The following ZKSCAN5 variants were observed in gnomAD, a reference collection of about 807,000 sequenced individuals.
ZKSCAN5 encodes zinc finger with KRAB and SCAN domains 5, also known as zinc finger protein with KRAB and SCAN domains 5.
A neutral mutation model predicts 60.0 loss-of-function variants in ZKSCAN5; 28 were observed. The observed-to-expected ratio is 0.47, with a 90% CI of 0.35 to 0.64. The LOEUF (loss-of-function observed/expected upper bound fraction) is 0.64, where lower values mean the gene tolerates loss of function less well. ZKSCAN5 is among the 30% of genes least tolerant of loss of function. The pLI is 0.01. For synonymous variants in ZKSCAN5, 361 were observed against 371.2 expected (o/e 0.97, Z 0.31); for missense variants, 881 against 1,034.6 (o/e 0.85, Z 2.04).
intron 6 of ZKSCAN5, among the ~76,000 whole-genome samples, chr7:99,527,706 C>T (rs936232604): frequency 1.3e-4 from 20 of 151,748 alleles, no homozygotes; most frequent in Admixed American, 2.6e-4. Context: ...TTTTTTGAGA[C>T]GGAGTTTCAC....
At chr7:99,530,862 G>A (rs546875541) in intron 6 of ZKSCAN5, among the ~76,000 whole-genome samples, 1 of 152,212 alleles carries the variant, frequency 6.6e-6, no homozygotes, top group Non-Finnish European at 1.5e-5. Flanking sequence ...TTTGAGACCA[G>A]CCTGGCCAAC....
rs752981119 is a variant in ZKSCAN5 at position 99,522,479 on chromosome 7, T to C, written c.772+2175T>C. The stretch of plus-strand genomic sequence containing the variant: ...TGGGTGGATTGTTTTTTGTTTCCCC[T>C]TTTTTTTTTTTTGAGACAGTGTCTC... On this transcript the variant is annotated intron_variant, in intron 5 of 6. Transcript: ENST00000326775. Among the ~76,000 whole-genome samples the C allele has an allele frequency of 9.9e-4, 141 of 142,416 alleles. 1 individual carries two copies. Among genetic ancestry groups the C allele is most frequent in the Non-Finnish European group, 5.9e-4 (38 of 64,574 alleles). The allele number at this position is 142,416 out of a possible 152,430, so 93.4% of individuals were successfully genotyped here. A position where few individuals can be genotyped will look rare whatever the true frequency, so the allele number is the denominator to read the frequency against.
At chr7:99,507,501 GTA>G (rs923305854) in intron 2 of ZKSCAN5, among the ~76,000 whole-genome samples, 37 of 143,706 alleles carry the variant, frequency 2.6e-4, no homozygotes, top group African/African-American at 7.2e-4. Flanking sequence ...GTATATATGT[GTA>G]TATATATGTG....
At chr7:99,506,644 CA>C (rs1800744393) in intron 2 of ZKSCAN5, among the ~76,000 whole-genome samples, 186 bp downstream of exon 2, 1 of 152,176 alleles carries the variant, frequency 6.6e-6, no homozygotes, top group African/African-American at 2.4e-5. Flanking sequence ...CTGTAGAAGA[CA>C]ATCTGCGATC....
Position 99,519,722 on chromosome 7 carries a change from G to A in ZKSCAN5, c.554-105G>A, listed in dbSNP as rs73403257. 1,697 of 1,091,118 alleles carry A rather than the reference G, an allele frequency of 1.6e-3. 18 individuals are homozygous for A. In the African/African-American group the frequency reaches 0.023, roughly 14 times the overall value. 67.6% of individuals were successfully genotyped at this position (1,091,118 alleles called of 1,614,324 possible). A position where few individuals can be genotyped will look rare whatever the true frequency, so the allele number is the denominator to read the frequency against. ...CAGCCAGGCAGAAGAATTTGGCCTC[G>A]GCGCAGTAGGGGCCATTATGGATTC... On this transcript the variant is annotated intron_variant, in intron 3 of 6. Transcript: ENST00000326775.
chr7:99,526,516 G>C, intron 6 of ZKSCAN5, 98 bp downstream of exon 6: 1 of 1,398,270 alleles, frequency 7.2e-7, no homozygotes, highest in African/African-American at 1.4e-5. Flanking sequence ...TGGTGATACT[G>C]GGGGGGGTAG....
intron 5 of ZKSCAN5, among the ~76,000 whole-genome samples, chr7:99,523,537 TAGAAG>T (rs1801639773): frequency 6.6e-6 from 1 of 152,002 alleles, no homozygotes. Flanking sequence ...ACCAGGGAGT[TAGAAG>T]TAACAGTAAG....
At chr7:99,522,713 C>T (rs780091941) in intron 5 of ZKSCAN5, among the ~76,000 whole-genome samples, 16 of 151,790 alleles carry the variant, frequency 1.1e-4, no homozygotes, top group Non-Finnish European at 2.9e-5. Flanking sequence ...TCTCAAACTC[C>T]TGACCTCAGG....
chr7:99,517,214 T>C (rs1801304288), intron 3 of ZKSCAN5, among the ~76,000 whole-genome samples: 1 of 152,122 alleles, frequency 6.6e-6, no homozygotes, highest in African/African-American at 2.4e-5. Context: ...TATAGGCATG[T>C]GCCACACACT....
chr7:99,513,116 T>C (rs1412047988), intron 3 of ZKSCAN5, among the ~76,000 whole-genome samples: 1 of 151,850 alleles, frequency 6.6e-6, no homozygotes, highest in Non-Finnish European at 1.5e-5. Flanking sequence ...CTGAAAATGA[T>C]GGTTTCCAAT....
chr7:99,520,197 A>T lies in ZKSCAN5; in HGVS notation c.665A>T (p.Asp222Val), dbSNP rs953017456. The change falls in exon 5 of 7, where the codon GAT (aspartate) becomes GTT (valine). Residue 222 changes from aspartate (D) to valine (V), a missense_variant. By Grantham distance (152) the Asp-to-Val change is radical. Transcript: ENST00000326775. ...QKLVKIEEVA[D>V]VAVSFILEEW... Reference sequence around the variant, plus strand: ...TTGGTGAAAATTGAAGAGGTGGCTGATGTGGCTGTATCCTTCATCCTGGAG... The same window carrying T: ...TTGGTGAAAATTGAAGAGGTGGCTGTTGTGGCTGTATCCTTCATCCTGGAG... 1 of 1,613,756 alleles carries T rather than the reference A, an allele frequency of 6.2e-7. No individual in the cohort carries two copies. Among genetic ancestry groups the T allele is most frequent in the South Asian group, 1.1e-5 (1 of 91,026 alleles).
At position 99,534,542 on chromosome 7, in the gene ZKSCAN5, G is replaced by T. The variant is rs1420015285; in HGVS notation, c.*2293G>T. The stretch of plus-strand genomic sequence containing the variant: ...AAAATACAAAAATTAGCTGGGCATA[G>T]TGGCGCATGCCTATAGTCCCAGCTA... On this transcript the variant is annotated 3_prime_UTR_variant, in exon 7 of 7. Transcript: ENST00000326775. 6.6e-6 allele frequency: 1 copy of T among 152,302 alleles called. No homozygotes were observed. The highest frequency in any genetic ancestry group is 1.5e-5 in the Non-Finnish European group (1 of 68,174). The allele number at this position is 152,302 out of a possible 1,614,324, so 9.4% of individuals were successfully genotyped here. A position where few individuals can be genotyped will look rare whatever the true frequency, so the allele number is the denominator to read the frequency against.
In ZKSCAN5 at chr7:99,532,691, T is replaced by C. The variant is rs1338368631; in HGVS notation, c.*442T>C. ...AGAATTCCTTAGCATGATGTCTGTT[T>C]TGGTACCTCAGCAATGAACCTTTTC... On this transcript the variant is annotated 3_prime_UTR_variant, in exon 7 of 7. Coordinates refer to ENST00000326775, the MANE Select transcript of ZKSCAN5 (RefSeq NM_145102.4). The C allele has an allele frequency of 1.9e-5, 3 of 158,924 alleles. No individual in the cohort carries two copies. The highest frequency in any genetic ancestry group is 1.9e-4 in the Admixed American group (3 of 16,130). 9.8% of individuals were successfully genotyped at this position (158,924 alleles called of 1,614,324 possible).
chr7:99,532,158 T>G lies in ZKSCAN5; in HGVS notation c.2429T>G (p.Phe810Cys), dbSNP rs1415280598. ...PFQCKECGMN[F>C]SWSCSLFKHL... is the part of the protein sequence containing the mutation. ...CAATGTAAAGAATGTGGAATGAATT[T>G]CAGCTGGAGTTGTAGCCTCTTTAAA... is the stretch of plus-strand genomic sequence containing the variant. The change falls in exon 7 of 7, where the codon TTC becomes TGC. Residue 810 changes from phenylalanine to cysteine, a missense_variant. Transcript: ENST00000326775. The G allele has an allele frequency of 1.2e-6, 2 of 1,613,662 alleles. No homozygotes were observed. Among genetic ancestry groups the G allele is most frequent in the African/African-American group, 2.7e-5 (2 of 74,940 alleles).
chr7:99,507,083 A>G (rs1222319323), intron 2 of ZKSCAN5, among the ~76,000 whole-genome samples: 1 of 151,992 alleles, frequency 6.6e-6, no homozygotes, highest in East Asian at 1.9e-4. Context: ...CCCATCCCCA[A>G]TTTCTCTCAA....
chr7:99,504,905 A>G (rs1212286919), intron 1 of ZKSCAN5, 172 bp downstream of exon 1: 2 of 153,714 alleles, frequency 1.3e-5, no homozygotes, highest in Non-Finnish European at 1.4e-5. Context: ...CTCCCCGGCC[A>G]ATCAGACACG....
Position 99,532,293 on chromosome 7 carries a change from A to C in ZKSCAN5, c.*44A>C. 6.6e-7 allele frequency: 1 copy of C among 1,505,828 alleles called. No individual in the cohort carries two copies. Among genetic ancestry groups the C allele is most frequent in the Non-Finnish European group, 8.9e-7 (1 of 1,129,796 alleles). 93.3% of individuals were successfully genotyped at this position (1,505,828 alleles called of 1,614,324 possible). ...AGAAACCTTCCTGGAGGGAAACCAT[A>C]CTCCTATAATGAGCAAAGTAACAAC... is the stretch of plus-strand genomic sequence containing the variant. On this transcript the variant is annotated 3_prime_UTR_variant, in exon 7 of 7. Transcript: ENST00000326775.
chr7:99,509,430 G>T (rs530651562), intron 2 of ZKSCAN5, among the ~76,000 whole-genome samples: 1 of 149,996 alleles, frequency 6.7e-6, no homozygotes, highest in South Asian at 2.1e-4. Context: ...GACCATATCT[G>T]TGAAATTTCA....
intron 4 of ZKSCAN5, 94 bp from the exon 5 acceptor site, chr7:99,520,075 T>C: frequency 6.5e-7 from 1 of 1,537,124 alleles, no homozygotes; most frequent in Non-Finnish European, 8.9e-7. Flanking sequence ...GCACAGTTCC[T>C]CCCCCTGTTT....
Sources: gnomAD v4.1 joint callset for allele counts (sites outside exome capture counted in the v4.1 genomes callset) on GRCh38, gnomAD v4.1.1 for gene constraint, MANE v1.5 for transcripts, NCBI Gene and HGNC (gene_info 2026-07-23, HGNC 2026-07-21) for gene names.